The following GPHN variants were observed in gnomAD, a reference collection of about 807,000 sequenced individuals.
GPHN encodes gephyrin.
GPHN carries 17 observed loss-of-function variants against 95.5 expected under a neutral mutation model. The ratio of observed to expected loss-of-function variants is 0.18; its 90% CI spans 0.12 to 0.27. The LOEUF is 0.27. GPHN is among the 10% of genes least tolerant of loss of function. The pLI is 1.00. For synonymous variants in GPHN, 320 were observed against 322.5 expected (o/e 0.99, Z 0.08); for missense variants, 660 against 978.1 (o/e 0.67, Z 4.34).
the GPHN span, among the ~76,000 whole-genome samples, chr14:67,314,060 T>G: frequency 2.0e-5 from 3 of 152,180 alleles, no homozygotes; most frequent in Non-Finnish European, 2.9e-5. Flanking sequence ...TCTGGCCTTA[T>G]CTTTTATCTA....
the GPHN span, among the ~76,000 whole-genome samples, chr14:67,311,310 CAAAA>C: frequency 1.1e-4 from 7 of 63,964 alleles, no homozygotes; most frequent in Non-Finnish European, 1.5e-4. Context: ...GACTCCGTCT[CAAAA>C]AAAAAAAAAA....
intron 11 of GPHN, among the ~76,000 whole-genome samples, chr14:67,071,745 G>A (rs951866013): frequency 4.0e-5 from 6 of 151,380 alleles, no homozygotes; most frequent in Non-Finnish European, 8.8e-5. Flanking sequence ...TTCCTTCTAT[G>A]CATACCATTA....
At chr14:66,730,472 A>G (rs957585858) in intron 2 of GPHN, among the ~76,000 whole-genome samples, 1 of 152,206 alleles carries the variant, frequency 6.6e-6, no homozygotes, top group African/African-American at 2.4e-5. Flanking sequence ...TCTTGGTCAG[A>G]AATAAAAGTT....
At chr14:67,114,648 C>G (rs2078569852) in intron 16 of GPHN, among the ~76,000 whole-genome samples, 1 of 152,186 alleles carries the variant, frequency 6.6e-6, no homozygotes, top group Non-Finnish European at 1.5e-5. Context: ...TATGATGGCA[C>G]TACTGCACTT....
chr14:67,456,337 C>T, the GPHN span, among the ~76,000 whole-genome samples: 47 of 152,272 alleles, frequency 3.1e-4, no homozygotes, highest in African/African-American at 1.1e-3. Flanking sequence ...CGGTGGCTCA[C>T]GCCTGAAATC....
chr14:67,480,752 G>A, the GPHN span, among the ~76,000 whole-genome samples: 1 of 152,300 alleles, frequency 6.6e-6, no homozygotes, highest in Middle Eastern at 3.4e-3. Flanking sequence ...ACATGACTGT[G>A]TGGATCTCAT....
chr14:67,254,789 C>G, the GPHN span, among the ~76,000 whole-genome samples: 2 of 152,216 alleles, frequency 1.3e-5, no homozygotes, highest in East Asian at 3.8e-4. Flanking sequence ...AGGTAATCAT[C>G]TACTAATTTG....
chr14:67,126,394 G>T (rs558419473), intron 17 of GPHN, among the ~76,000 whole-genome samples: 1 of 152,296 alleles, frequency 6.6e-6, no homozygotes, highest in Admixed American at 6.5e-5. Flanking sequence ...GGATTGGTCA[G>T]ACAGAGTTTT....
chr14:66,733,851 G>T (rs2072021349), intron 2 of GPHN, among the ~76,000 whole-genome samples: 3 of 152,118 alleles, frequency 2.0e-5, no homozygotes, highest in East Asian at 1.9e-4. Context: ...AGGTATTTTG[G>T]ATGAAAATTG....
chr14:67,536,063 G>A, the GPHN span, among the ~76,000 whole-genome samples: 2 of 152,176 alleles, frequency 1.3e-5, no homozygotes, highest in African/African-American at 4.8e-5. Flanking sequence ...TGGGATCTTA[G>A]GTACTAAGCT....
chr14:66,730,316 A>T (rs2071651071), intron 2 of GPHN, among the ~76,000 whole-genome samples: 1 of 152,216 alleles, frequency 6.6e-6, no homozygotes, highest in Non-Finnish European at 1.5e-5. Context: ...TTTGAAAATC[A>T]GGCTCACCTA....
intron 1 of GPHN, among the ~76,000 whole-genome samples, chr14:66,675,023 T>G (rs2066506853): frequency 6.6e-6 from 1 of 152,198 alleles, no homozygotes; most frequent in African/African-American, 2.4e-5. Context: ...TGGGGTGAGA[T>G]GATATCTCAT....
At chr14:66,563,956 C>T (rs1319743552) in intron 1 of GPHN, among the ~76,000 whole-genome samples, 1 of 152,046 alleles carries the variant, frequency 6.6e-6, no homozygotes, top group African/African-American at 2.4e-5. Context: ...TTTTGCATTA[C>T]TATTATGGTA....
At chr14:67,206,498 A>AAAAC in the GPHN span, among the ~76,000 whole-genome samples, 5 of 152,164 alleles carry the variant, frequency 3.3e-5, no homozygotes, top group Non-Finnish European at 7.3e-5. Flanking sequence ...CCTGTCTCAA[A>AAAAC]AAACAAACAA....
At chr14:67,321,236 T>C in the GPHN span, 1 of 1,614,224 alleles carries the variant, frequency 6.2e-7, no homozygotes, top group Non-Finnish European at 8.5e-7. Flanking sequence ...TGGCAAAATA[T>C]GTCTTTTAAG....
the GPHN span, among the ~76,000 whole-genome samples, chr14:67,423,133 C>T: frequency 7.2e-5 from 11 of 152,006 alleles, no homozygotes; most frequent in South Asian, 6.2e-4. Flanking sequence ...GAGCGGTGGC[C>T]GGTTTTCCCC....
At chr14:66,550,856 G>T (rs10141440) in intron 1 of GPHN, among the ~76,000 whole-genome samples, 35,541 of 148,996 alleles carry the variant, frequency 0.24, 6,854 homozygotes, top group African/African-American at 0.52. Context: ...GTTTTTTTTT[G>T]TTGTTGTTGT....
At chr14:67,725,029 A>G in the GPHN span, 196 of 1,553,542 alleles carry the variant, frequency 1.3e-4, 1 homozygote, top group East Asian at 4.3e-3. Flanking sequence ...CCCAGTCCCA[A>G]GCTCACTTAC....
At chr14:66,813,072 A>AT (rs1015103174) in intron 3 of GPHN, among the ~76,000 whole-genome samples, 1 of 152,022 alleles carries the variant, frequency 6.6e-6, no homozygotes, top group African/African-American at 2.4e-5. Context: ...CCTTTATATA[A>AT]TTTTTTTTAC....
Sources: allele counts gnomAD v4.1 joint callset (sites outside exome capture counted in the v4.1 genomes callset), GRCh38; gene constraint gnomAD v4.1.1; transcripts MANE v1.5; gene names NCBI Gene and HGNC (gene_info 2026-07-23, HGNC 2026-07-21).